The following NFYA variants were observed in gnomAD, a reference collection of about 807,000 sequenced individuals.
The protein encoded by NFYA is nuclear transcription factor Y subunit alpha.
A neutral mutation model predicts 52.8 loss-of-function variants in NFYA; 28 were observed. That is an observed-to-expected ratio of 0.53 (90% CI 0.39 to 0.73). The LOEUF is 0.73. Among genes scored for constraint, NFYA ranks in the 30% least tolerant of loss-of-function variants. The pLI is 0.00. For synonymous variants in NFYA, 150 were observed against 150.7 expected, an observed-to-expected ratio of 1.00 and a Z score of 0.03; for missense variants, 234 against 427.0, an observed-to-expected ratio of 0.55 and a Z score of 3.98.
rs1416948222 is a variant in NFYA, at chr6:41,098,148, A to G, written c.*738A>G. On this transcript the variant is annotated 3_prime_UTR_variant, in exon 10 of 10. Transcript: ENST00000341376. ...CCTCTGTTGACTGGTCATCTGGACC[A>G]TCGTACTTGCTGTGGCTACTTCTAA... 6.5e-6 allele frequency: 1 copy of G among 152,728 alleles called. No individual in the cohort carries two copies. Among genetic ancestry groups the G allele is most frequent in the Non-Finnish European group, 1.5e-5 (1 of 68,098 alleles). 9.5% of individuals were successfully genotyped at this position (152,728 alleles called of 1,614,324 possible).
intron 1 of NFYA, among the ~76,000 whole-genome samples, chr6:41,074,656 ATAGTT>A (rs1196027468): frequency 6.6e-6 from 1 of 152,226 alleles, no homozygotes; most frequent in Non-Finnish European, 1.5e-5. Context: ...AGTAGTTGTG[ATAGTT>A]TAGGGGGGAA....
intron 9 of NFYA, among the ~76,000 whole-genome samples, chr6:41,094,810 A>C (rs1291351247): frequency 1.3e-5 from 2 of 152,140 alleles, no homozygotes; most frequent in Non-Finnish European, 2.9e-5. Flanking sequence ...CTGGTGATGC[A>C]TGCCTGTAGT....
At chr6:41,084,818 C>T (rs1181903054) in intron 4 of NFYA, among the ~76,000 whole-genome samples, 1 of 152,228 alleles carries the variant, frequency 6.6e-6, no homozygotes, top group Non-Finnish European at 1.5e-5. Context: ...AAAAATTAGC[C>T]GGGCGTGGTG....
chr6:41,078,652 A>G (rs1763809420), intron 1 of NFYA, among the ~76,000 whole-genome samples: 1 of 152,206 alleles, frequency 6.6e-6, no homozygotes, highest in Non-Finnish European at 1.5e-5. Context: ...TTTGGTGGGA[A>G]GCAATTACGT....
At chr6:41,082,483 T>C (rs1477428731) in intron 3 of NFYA, among the ~76,000 whole-genome samples, 3 of 152,200 alleles carry the variant, frequency 2.0e-5, no homozygotes, top group African/African-American at 7.2e-5. Context: ...CTCTTTGGAG[T>C]CTCAAATCAT....
chr6:41,076,831 T>A (rs1763744660), intron 1 of NFYA, among the ~76,000 whole-genome samples: 1 of 152,190 alleles, frequency 6.6e-6, no homozygotes, highest in Non-Finnish European at 1.5e-5. Context: ...CTCACAGTAG[T>A]AGGAACATAT....
chr6:41,085,038 A>G (rs1461346576), intron 4 of NFYA, among the ~76,000 whole-genome samples: 3 of 152,278 alleles, frequency 2.0e-5, no homozygotes, highest in African/African-American at 7.2e-5. Context: ...AAAATTAGAT[A>G]TTTCTCATCG....
intron 3 of NFYA, among the ~76,000 whole-genome samples, chr6:41,083,307 TA>T (rs1763957793): frequency 6.6e-6 from 1 of 152,250 alleles, no homozygotes; most frequent in Non-Finnish European, 1.5e-5. Flanking sequence ...GTAATTTCAA[TA>T]TTTGTTGTTG....
intron 3 of NFYA, 58 bp downstream of exon 3, chr6:41,080,955 T>G (rs1382626588): frequency 3.6e-5 from 49 of 1,369,590 alleles, no homozygotes; most frequent in Non-Finnish European, 4.2e-6. Context: ...TCCTCATGTC[T>G]GGTGCTGTTT....
intron 6 of NFYA, 148 bp downstream of exon 6, chr6:41,090,457 A>T (rs1764170017): frequency 1.8e-6 from 1 of 560,496 alleles, no homozygotes; most frequent in Non-Finnish European, 3.3e-6. Flanking sequence ...CTCTCCATTG[A>T]TTGTTGGTTT....
At position 41,098,048 on chromosome 6, in the gene NFYA, T is replaced by TA. The variant is rs1483487616; in HGVS notation, c.*642dup. The TA allele has an allele frequency of 6.5e-6, 1 of 152,748 alleles. No individual in the cohort carries two copies. Among genetic ancestry groups the TA allele is most frequent in the Non-Finnish European group, 1.5e-5 (1 of 68,104 alleles). 9.5% of individuals were successfully genotyped at this position (152,748 alleles called of 1,614,324 possible). A position where few individuals can be genotyped will look rare whatever the true frequency, so the allele number is the denominator to read the frequency against. On this transcript the variant is annotated 3_prime_UTR_variant, in exon 10 of 10. Coordinates refer to ENST00000341376, the MANE Select transcript of NFYA (RefSeq NM_002505.5). ...AAAGCTAATTCTGGGGATAGAATGA[T>TA]AAAAGACTCAAGCACTAAAAATATA...
intron 4 of NFYA, 27 bp downstream of exon 4, chr6:41,084,219 A>G: frequency 6.2e-7 from 1 of 1,608,974 alleles, no homozygotes; most frequent in Non-Finnish European, 8.5e-7. Context: ...AATATTGAGC[A>G]GTATATCAGA....
intron 4 of NFYA, among the ~76,000 whole-genome samples, chr6:41,085,356 A>C (rs1006383801): frequency 6.6e-6 from 1 of 152,228 alleles, no homozygotes; most frequent in Non-Finnish European, 1.5e-5. Context: ...AATAAATCAT[A>C]ATATATTCAT....
rs1370950831 is a variant in NFYA at position 41,102,048 on chromosome 6, A to G, written c.*4638A>G. 1 of 152,230 alleles carries G rather than the reference A, an allele frequency of 6.6e-6. No individual in the cohort carries two copies. The highest frequency in any genetic ancestry group is 1.5e-5 in the Non-Finnish European group (1 of 68,044). 9.4% of individuals were successfully genotyped at this position (152,230 alleles called of 1,614,324 possible). Reference sequence around the variant, plus strand: ...AATGGACAGGTTCACCCTGACCTACAAGTCGGAACGTGACATGGACAAACT... The same window carrying G: ...AATGGACAGGTTCACCCTGACCTACGAGTCGGAACGTGACATGGACAAACT... On this transcript the variant is annotated 3_prime_UTR_variant, in exon 10 of 10. Coordinates refer to ENST00000341376, the MANE Select transcript of NFYA (RefSeq NM_002505.5).
chr6:41,080,695 A>G (rs770535499), intron 2 of NFYA, 116 bp from the exon 3 acceptor site: 15 of 784,368 alleles, frequency 1.9e-5, no homozygotes, highest in Admixed American at 5.9e-5. Context: ...GAGTCTGTAC[A>G]TTTTGAAAGT....
chr6:41,086,223 G>C (rs1314208925), intron 4 of NFYA, among the ~76,000 whole-genome samples: 1 of 152,076 alleles, frequency 6.6e-6, no homozygotes, highest in African/African-American at 2.4e-5. Flanking sequence ...TCATTACCAG[G>C]TCTGCCATTA....
intron 2 of NFYA, among the ~76,000 whole-genome samples, chr6:41,079,535 A>G (rs1763850473): frequency 6.6e-6 from 1 of 152,234 alleles, no homozygotes; most frequent in Admixed American, 6.5e-5. Flanking sequence ...ATAGCTTCCA[A>G]TAAATCTTCT....
chr6:41,095,399 T>G (rs1582038622), intron 9 of NFYA, among the ~76,000 whole-genome samples: 1 of 152,316 alleles, frequency 6.6e-6, no homozygotes, highest in South Asian at 2.1e-4. Context: ...CCCTATCTGT[T>G]AGGTCTGGGT....
At position 41,098,829 on chromosome 6, in the gene NFYA, G is replaced by C. The variant is rs966070245; in HGVS notation, c.*1419G>C. The C allele has an allele frequency of 1.3e-5, 2 of 152,654 alleles. No homozygotes were observed. The highest frequency in any genetic ancestry group is 2.9e-5 in the Non-Finnish European group (2 of 68,052). The allele number at this position is 152,654 out of a possible 1,614,324, so 9.5% of individuals were successfully genotyped here. ...GTCAGGAACTGGGCCACTGTTCCCA[G>C]AACGGGTTGTGCCTCAGAAATCTAT... On this transcript the variant is annotated 3_prime_UTR_variant, in exon 10 of 10. Transcript: ENST00000341376.
Sources: allele counts gnomAD v4.1 joint callset (sites outside exome capture counted in the v4.1 genomes callset), GRCh38; gene constraint gnomAD v4.1.1; transcripts MANE v1.5; gene names NCBI Gene and HGNC (gene_info 2026-07-23, HGNC 2026-07-21).